LRP1: variants seen among roughly 807,000 people sequenced by gnomAD.
LRP1 encodes LDL receptor related protein 1, also known as prolow-density lipoprotein receptor-related protein 1.
In LRP1, 51 loss-of-function variants were observed where a neutral mutation model predicts 541.5. The ratio of observed to expected loss-of-function variants is 0.09; its 90% CI spans 0.08 to 0.12. The LOEUF (loss-of-function observed/expected upper bound fraction) is 0.12, where lower values mean the gene tolerates loss of function less well. Among genes scored for constraint, LRP1 ranks in the 10% least tolerant of loss-of-function variants. The pLI, the probability that LRP1 is intolerant of heterozygous loss-of-function variation, is 1.00. For synonymous variants in LRP1, 2,219 were observed against 2,470.8 expected (o/e 0.90, Z 3.02); for missense variants, 3,878 against 6,376.2 (o/e 0.61, Z 13.34).
chr12:57,170,772 C>T (rs1215535972), intron 20 of LRP1, among the ~76,000 whole-genome samples: 8 of 151,984 alleles, frequency 5.3e-5, no homozygotes, highest in Admixed American at 2.6e-4. Context: ...GCTGTGAGCT[C>T]GCCACTGCAC....
intron 20 of LRP1, among the ~76,000 whole-genome samples, chr12:57,170,656 CAAAAAA>C: frequency 6.6e-6 from 1 of 152,106 alleles, no homozygotes; most frequent in East Asian, 1.9e-4. Flanking sequence ...CCTTTCTCTA[CAAAAAA>C]TAAACAAAAT....
Position 57,208,828 on chromosome 12 carries a change from C to T in LRP1, c.12145+11C>T, listed in dbSNP as rs367656532. On this transcript the variant is annotated intron_variant, in intron 78 of 88. Transcript: ENST00000243077. ...TTCAGTGGCCCACAGGTTTGTGGGG[C>T]AGGGTGCAGGAGGGACGGGCATGGA... The T allele has an allele frequency of 3.6e-5, 58 of 1,606,458 alleles. 1 individual carries two copies. The African/African-American group carries it at 7.4e-4, about 20-fold the overall frequency.
chr12:57,202,312 C>A, intron 67 of LRP1, 109 bp from the exon 68 acceptor site: 1 of 878,186 alleles, frequency 1.1e-6, no homozygotes, highest in Non-Finnish European at 1.9e-6. Context: ...TGACCCTTCC[C>A]AAGCTGGGAT....
At chr12:57,141,275 C>T in intron 2 of LRP1, 99 bp from the exon 3 acceptor site, 1 of 1,448,150 alleles carries the variant, frequency 6.9e-7, no homozygotes, top group South Asian at 1.3e-5. Flanking sequence ...CTCCTGAGAT[C>T]TGAAACCCCA....
chr12:57,170,681 C>G (rs2035927679), intron 20 of LRP1, among the ~76,000 whole-genome samples: 1 of 152,044 alleles, frequency 6.6e-6, no homozygotes, highest in Non-Finnish European at 1.5e-5. Context: ...ATTAGCTGGG[C>G]ATGGAGGCAC....
Position 57,204,789 on chromosome 12 carries a change from AG to A in LRP1, c.11194+41del. ...GACGAGAGGCCTGCAGGGGACGGGT[AG>A]TGCACAGTGGGGTGAGTCTGGTCCT... On this transcript the variant is annotated intron_variant, in intron 72 of 88. Transcript: ENST00000243077. The surrounding 1 kb of genome is among the most constrained non-coding windows in gnomAD (Gnocchi z 5.3). The A allele has an allele frequency of 6.2e-7, 1 of 1,603,058 alleles. No homozygotes were observed. Among genetic ancestry groups the A allele is most frequent in the Non-Finnish European group, 8.5e-7 (1 of 1,171,854 alleles).
Position 57,195,978 on chromosome 12 carries a change from C to T in LRP1, c.8676C>T (p.Pro2892=). The T allele has an allele frequency of 6.2e-7, 1 of 1,613,136 alleles. No individual in the cohort carries two copies. The highest frequency in any genetic ancestry group is 8.5e-7 in the Non-Finnish European group (1 of 1,179,996). The change falls in exon 54 of 89, where the codon CCC becomes CCT. Residue 2892 remains proline (P), a synonymous_variant. Transcript: ENST00000243077. ...GCCACGACCAGAGTGACGAGGCTCC[C>T]AAGAACCCACACTGCACCAGCCAAG... ...NDCHDQSDEA[P]KNPHCTSQEH... is the part of the protein sequence containing the mutation.
At chr12:57,207,315 AAATAAAT>A in intron 76 of LRP1, among the ~76,000 whole-genome samples, 1 of 134,004 alleles carries the variant, frequency 7.5e-6, no homozygotes, top group Middle Eastern at 3.8e-3. Flanking sequence ...ATAAATAAAT[AAATAAAT>A]AAAATAAAAT....
chr12:57,166,033 A>T (rs760677753), intron 16 of LRP1, 51 bp from the exon 17 acceptor site: 1 of 1,613,442 alleles, frequency 6.2e-7, no homozygotes, highest in Admixed American at 1.7e-5. Flanking sequence ...AGCGGGCAGG[A>T]AGCTGGGGGC....
At chr12:57,144,878 G>C in intron 4 of LRP1, 94 bp from the exon 5 acceptor site, 3 of 1,263,698 alleles carry the variant, frequency 2.4e-6, no homozygotes, top group Non-Finnish European at 3.4e-6. Context: ...CAAGGTAGCT[G>C]TAAGGATGGA....
In LRP1 at chr12:57,196,097, C is replaced by T; in HGVS notation, c.8712C>T (p.Cys2904=). 6.2e-7 allele frequency: 1 copy of T among 1,606,448 alleles called. No individual in the cohort carries two copies. Among genetic ancestry groups the T allele is most frequent in the Non-Finnish European group, 8.5e-7 (1 of 1,174,358 alleles). ...TCCGCCCCTCCGCAGAGCACAAGTG[C>T]AATGCCTCGTCACAGTTCCTGTGCA... ...NPHCTSQEHK[C]NASSQFLCSS... is the part of the protein sequence containing the mutation. The change falls in exon 55 of 89, where the codon TGC becomes TGT. Residue 2904 remains cysteine, a synonymous_variant. Coordinates refer to ENST00000243077, the MANE Select transcript of LRP1 (RefSeq NM_002332.3).
At chr12:57,140,821 C>G (rs1056785988) in intron 2 of LRP1, among the ~76,000 whole-genome samples, 5 of 152,154 alleles carry the variant, frequency 3.3e-5, no homozygotes, top group Non-Finnish European at 5.9e-5. Flanking sequence ...CAACTTCTGC[C>G]TCCTGGGTTC....
In LRP1 at chr12:57,184,355, A is replaced by G. The variant is rs2036226313; in HGVS notation, c.6089A>G (p.Tyr2030Cys). ...GYLFWTEWGQ[Y>C]PRIERSRLDG... ...TTGTTCTGGACTGAGTGGGGTCAGT[A>G]TCCGCGTATTGAGCGGTCTCGGCTA... Residue 2030 changes from tyrosine to cysteine, a missense_variant, in exon 38 of 89, where the codon TAT becomes TGT. Physicochemically the swap from Tyr to Cys is radical, Grantham distance 194 (BLOSUM62 -2). This residue lies in a region of LRP1 where 1,100 missense variants were observed against 1,827.4 expected (regional missense o/e 0.60). Transcript: ENST00000243077. This position sits in a 1 kb window ranked among gnomAD's most constrained non-coding sequence, Gnocchi z 7.8. The G allele has an allele frequency of 1.9e-6, 3 of 1,614,206 alleles. No homozygotes were observed. The highest frequency in any genetic ancestry group is 2.2e-5 in the East Asian group (1 of 44,890).
chr12:57,172,460 C>T (rs1383471178), intron 20 of LRP1, among the ~76,000 whole-genome samples: 1 of 152,204 alleles, frequency 6.6e-6, no homozygotes, highest in African/African-American at 2.4e-5. Flanking sequence ...TGAGCCACCG[C>T]GCCTGGCCTG....
At chr12:57,155,885 A>G in intron 8 of LRP1, among the ~76,000 whole-genome samples, 1 of 152,176 alleles carries the variant, frequency 6.6e-6, no homozygotes, top group African/African-American at 2.4e-5. Flanking sequence ...CAGGAGGTGG[A>G]GACTGCAGTG....
Position 57,175,942 on chromosome 12 carries a change from G to A in LRP1, c.3827G>A (p.Arg1276His), listed in dbSNP as rs1256612517. ...AAGCCGTTCATCATTTTCTCCAACC[G>A]CCATGAAATCCGGCGCATCGATCTT... The part of the protein sequence containing the change: ...PFKPFIIFSN[R>H]HEIRRIDLHK... The change falls in exon 24 of 89, where the codon CGC (arginine) becomes CAC (histidine). Residue 1276 changes from arginine (R) to histidine (H), a missense_variant. Transcript: ENST00000243077. 2 of 1,614,048 alleles carry A rather than the reference G, an allele frequency of 1.2e-6. No homozygotes were observed. Among genetic ancestry groups the A allele is most frequent in the Non-Finnish European group, 1.7e-6 (2 of 1,180,048 alleles).
chr12:57,142,871 A>C (rs1303363860), intron 3 of LRP1, among the ~76,000 whole-genome samples: 1 of 152,126 alleles, frequency 6.6e-6, no homozygotes, highest in Admixed American at 6.5e-5. Context: ...TCTTCCTGGC[A>C]GGCTTAGTGC....
chr12:57,129,569 G>C (rs1252626634), intron 1 of LRP1, among the ~76,000 whole-genome samples: 1 of 152,130 alleles, frequency 6.6e-6, no homozygotes, highest in Non-Finnish European at 1.5e-5. Flanking sequence ...CCCTGCTTGG[G>C]CGTGGAATCG....
rs752096895 is a variant in LRP1, at chr12:57,195,773, C to T, written c.8553C>T (p.Pro2851=). 22 of 1,614,154 alleles carry T rather than the reference C, an allele frequency of 1.4e-5. No homozygotes were observed. The highest frequency in any genetic ancestry group is 1.0e-4 in the Admixed American group (6 of 60,026). The change falls in exon 53 of 89, where the codon CCC becomes CCT. Residue 2851 remains proline, a synonymous_variant. Coordinates refer to ENST00000243077, the MANE Select transcript of LRP1 (RefSeq NM_002332.3). ...GTGCAGATGGCTCTGATGAGTCCCC[C>T]GAGTGTGGTGAGCCTTCGGCGGTGG... is the stretch of plus-strand genomic sequence containing the variant. ...RDCADGSDES[P]ECEYPTCGPS...
Sources: allele counts gnomAD v4.1 joint callset (sites outside exome capture counted in the v4.1 genomes callset), GRCh38; gene constraint gnomAD v4.1.1; regional missense constraint gnomAD v4.1.1; non-coding constraint Gnocchi (gnomAD v3.1); transcripts MANE v1.5; gene names NCBI Gene and HGNC (gene_info 2026-07-23, HGNC 2026-07-21).